FHIP1A: variants seen among roughly 807,000 people sequenced by gnomAD.
FHIP1A encodes the protein FHF complex subunit HOOK interacting protein 1A, also known as FHF complex subunit HOOK-interacting protein 1A.
A neutral mutation model predicts 88.6 loss-of-function variants in FHIP1A; 61 were observed. The observed-to-expected ratio is 0.69, with a 90% CI of 0.56 to 0.85. The LOEUF is 0.85. FHIP1A is among the 40% of genes least tolerant of loss of function. The pLI is 0.00. For synonymous variants in FHIP1A, 478 were observed against 496.0 expected (o/e 0.96, Z 0.48); for missense variants, 1,154 against 1,273.5 (o/e 0.91, Z 1.43).
At chr4:151,451,883 C>G (rs1728803850) in intron 1 of FHIP1A, among the ~76,000 whole-genome samples, 1 of 150,970 alleles carries the variant, frequency 6.6e-6, no homozygotes, top group Non-Finnish European at 1.5e-5. Context: ...TGCCATGGCA[C>G]TCTCACGGCT....
At chr4:151,488,756 C>G (rs752746204) in intron 3 of FHIP1A, among the ~76,000 whole-genome samples, 2 of 152,152 alleles carry the variant, frequency 1.3e-5, no homozygotes, top group Admixed American at 6.5e-5. Flanking sequence ...TCTTTTAGAC[C>G]GTGAGCTGCA....
intron 1 of FHIP1A, among the ~76,000 whole-genome samples, chr4:151,445,464 TG>T (rs945957421): frequency 6.6e-6 from 1 of 151,366 alleles, no homozygotes; most frequent in African/African-American, 2.4e-5. Flanking sequence ...CAAGGTGGAG[TG>T]GGGGGGTGGA....
chr4:151,633,512 T>C (rs1159915636), intron 8 of FHIP1A, among the ~76,000 whole-genome samples: 1 of 151,866 alleles, frequency 6.6e-6, no homozygotes, highest in Non-Finnish European at 1.5e-5. Flanking sequence ...TCAAGAAAAC[T>C]AGAGGCCAGT....
intron 3 of FHIP1A, among the ~76,000 whole-genome samples, chr4:151,483,771 A>G (rs1164018397): frequency 1.3e-5 from 2 of 152,114 alleles, no homozygotes; most frequent in African/African-American, 4.8e-5. Flanking sequence ...CCTTCCCCCT[A>G]GTCTTCCAAG....
chr4:151,512,336 G>GA (rs1256963106), intron 3 of FHIP1A, among the ~76,000 whole-genome samples: 1 of 152,102 alleles, frequency 6.6e-6, no homozygotes, highest in Non-Finnish European at 1.5e-5. Context: ...CAAAGATGGG[G>GA]AAAAAACAGA....
At chr4:151,536,310 G>T (rs1327986263) in intron 3 of FHIP1A, among the ~76,000 whole-genome samples, 4 of 152,076 alleles carry the variant, frequency 2.6e-5, no homozygotes, top group African/African-American at 9.7e-5. Context: ...TGTGCTCTTT[G>T]TGTGTGCCCG....
chr4:151,635,345 G>A (rs1026798293), intron 8 of FHIP1A, among the ~76,000 whole-genome samples: 7 of 151,786 alleles, frequency 4.6e-5, no homozygotes, highest in Admixed American at 2.6e-4. Context: ...CATAGGTTTA[G>A]TACATTATCC....
chr4:151,595,435 T>TGTC (rs1734609629), intron 7 of FHIP1A, among the ~76,000 whole-genome samples: 1 of 152,188 alleles, frequency 6.6e-6, no homozygotes, highest in African/African-American at 2.4e-5. Flanking sequence ...TGAGGAGTGT[T>TGTC]TTACTTCCAA....
chr4:151,531,583 T>C (rs912390504), intron 3 of FHIP1A, among the ~76,000 whole-genome samples: 2 of 151,982 alleles, frequency 1.3e-5, no homozygotes, highest in African/African-American at 2.4e-5. Flanking sequence ...CAGACTGTTA[T>C]GGGAGTGTTA....
rs139831909 is a variant in FHIP1A at position 151,643,383 on chromosome 4, C to T, written c.1227-3175C>T. ...GGTACACATGATATTTTGATGCATGCGTGCACTGTGTAATAATCAAATCGG... is the reference window on the plus strand; with the variant it reads ...GGTACACATGATATTTTGATGCATGTGTGCACTGTGTAATAATCAAATCGG... On this transcript the variant is annotated intron_variant, in intron 9 of 13. Transcript: ENST00000435205. 3.3e-5 allele frequency among the ~76,000 whole-genome samples: 5 copies of T among 152,122 alleles called. No individual in the cohort carries two copies. In the East Asian group the frequency reaches 9.6e-4, roughly 29 times the overall value.
chr4:151,623,754 T>C (rs1735842170), intron 7 of FHIP1A, among the ~76,000 whole-genome samples: 1 of 152,178 alleles, frequency 6.6e-6, no homozygotes, highest in African/African-American at 2.4e-5. Context: ...AATGTTAGGA[T>C]TTGAACTCTA....
chr4:151,577,546 G>A lies in FHIP1A; in HGVS notation c.202G>A (p.Val68Ile), dbSNP rs1195592473. ...TGAGGCCAGTGCCGTGCAGAATTACGTAGAACACATGCTCTTCTTGTTGAT... is the reference window on the plus strand; with the variant it reads ...TGAGGCCAGTGCCGTGCAGAATTACATAGAACACATGCTCTTCTTGTTGAT... ...PDEASAVQNY[V>I]EHMLFLLIEE... The change falls in exon 5 of 14, where the codon GTA (valine) becomes ATA (isoleucine). Residue 68 changes from valine (V) to isoleucine (I), a missense_variant. Physicochemically the swap from Val to Ile is conservative, Grantham distance 29. Coordinates refer to ENST00000435205, the MANE Select transcript of FHIP1A (RefSeq NM_001109977.3). 24 of 1,551,824 alleles carry A rather than the reference G, an allele frequency of 1.5e-5. No individual in the cohort carries two copies. The highest frequency in any genetic ancestry group is 9.8e-5 in the Admixed American group (5 of 50,980).
At chr4:151,485,282 G>GTTTTTTTATTTTTTTTT (rs1730038435) in intron 3 of FHIP1A, among the ~76,000 whole-genome samples, 1 of 118,730 alleles carries the variant, frequency 8.4e-6, no homozygotes, top group Non-Finnish European at 1.7e-5. Flanking sequence ...ATCTTTTCCA[G>GTTTTTTTATTTTTTTTT]TTTTTTTTTT....
intron 3 of FHIP1A, among the ~76,000 whole-genome samples, chr4:151,524,300 T>C (rs925109749): frequency 2.9e-5 from 3 of 103,382 alleles, no homozygotes; most frequent in African/African-American, 1.1e-4. Flanking sequence ...AGAATCTGTC[T>C]CAAAAAAAAA....
chr4:151,525,746 C>CTT lies in FHIP1A; in HGVS notation c.-122-40378_-122-40377dup, dbSNP rs200895761. ...TGTTTTGCTGCTCACCTTTGTACTT[C>CTT]TTTTTTTTTTTTTTTCATTTTTAAT... On this transcript the variant is annotated intron_variant, in intron 3 of 13. Transcript: ENST00000435205. Among the ~76,000 whole-genome samples the CTT allele has an allele frequency of 6.2e-3, 800 of 128,424 alleles. 10 individuals are homozygous for CTT. The highest frequency in any genetic ancestry group is 0.021 in the African/African-American group (726 of 34,934). 84.3% of individuals were successfully genotyped at this position (128,424 alleles called of 152,430 possible). A position where few individuals can be genotyped will look rare whatever the true frequency, so the allele number is the denominator to read the frequency against.
At position 151,662,908 on chromosome 4, in the gene FHIP1A, T is replaced by C. The variant is rs1737524946; in HGVS notation, c.*154T>C. ...AGGGGAATTTTCTGTATCTTTCCTC[T>C]CTCTCTCTAGCCGGGCCTTTCCACC... On this transcript the variant is annotated 3_prime_UTR_variant, in exon 14 of 14. Coordinates refer to ENST00000435205, the MANE Select transcript of FHIP1A (RefSeq NM_001109977.3). 1.4e-6 allele frequency: 1 copy of C among 719,768 alleles called. No individual in the cohort carries two copies. Among genetic ancestry groups the C allele is most frequent in the Non-Finnish European group, 2.1e-6 (1 of 471,616 alleles). The allele number at this position is 719,768 out of a possible 1,614,324, so 44.6% of individuals were successfully genotyped here.
At chr4:151,636,622 A>G (rs1736365169) in intron 8 of FHIP1A, among the ~76,000 whole-genome samples, 1 of 152,094 alleles carries the variant, frequency 6.6e-6, no homozygotes, top group Non-Finnish European at 1.5e-5. Context: ...ATAAATTTTT[A>G]CAAAAGAAGT....
chr4:151,531,933 C>T (rs537553295), intron 3 of FHIP1A, among the ~76,000 whole-genome samples: 10 of 152,216 alleles, frequency 6.6e-5, no homozygotes, highest in African/African-American at 2.4e-4. Flanking sequence ...TTTAAAAAAT[C>T]AACACAGAAA....
intron 8 of FHIP1A, among the ~76,000 whole-genome samples, chr4:151,638,350 TGAGA>T (rs1209841696): frequency 6.7e-6 from 1 of 150,194 alleles, no homozygotes; most frequent in Non-Finnish European, 1.5e-5. Flanking sequence ...TGTGTGTATG[TGAGA>T]GAGAGAGAGA....
Sources: gnomAD v4.1 joint callset for allele counts (sites outside exome capture counted in the v4.1 genomes callset) on GRCh38, gnomAD v4.1.1 for gene constraint, MANE v1.5 for transcripts, NCBI Gene and HGNC (gene_info 2026-07-23, HGNC 2026-07-21) for gene names.